The following CLSPN variants were observed in gnomAD, a reference collection of about 807,000 sequenced individuals.
The protein encoded by CLSPN is claspin homolog.
CLSPN carries 85 observed loss-of-function variants against 156.3 expected under a neutral mutation model. The observed-to-expected ratio is 0.54, with a 90% confidence interval of 0.46 to 0.65. CLSPN has a LOEUF of 0.65. Among genes scored for constraint, CLSPN ranks in the 30% least tolerant of loss-of-function variants. The pLI, the probability that CLSPN is intolerant of heterozygous loss-of-function variation, is 0.00. For missense variants in CLSPN, 1,407 were observed against 1,554.9 expected, an observed-to-expected ratio of 0.90 and a Z score of 1.60; for synonymous variants, 534 against 542.4, an observed-to-expected ratio of 0.98 and a Z score of 0.22.
downstream of CLSPN, among the ~76,000 whole-genome samples, chr1:35,731,321 AG>A (rs1217585515): frequency 6.6e-6 from 1 of 152,120 alleles, no homozygotes; most frequent in East Asian, 1.9e-4. Context: ...ACAAAGAAGG[AG>A]GATGGATGTA....
At chr1:35,749,343 G>A in intron 12 of CLSPN, 124 bp downstream of exon 12, 1 of 863,384 alleles carries the variant, frequency 1.2e-6, no homozygotes, top group Non-Finnish European at 1.8e-6. Context: ...CCTTTTCATA[G>A]CTACATATGA....
chr1:35,760,549 C>T lies in CLSPN; in HGVS notation c.1372G>A (p.Gly458Ser). ...TCTTCTGGATTTTGGGGGCCTTCAC[C>T]CTCCAGGGCATGAGGTTCAAATGCT... Reference protein sequence around the residue: ...LVAFEPHALEGEGPQNPEETD... With the variant: ...LVAFEPHALESEGPQNPEETD... Residue 458 changes from glycine (G) to serine (S), a missense_variant, in exon 8 of 25, where the codon GGT becomes AGT. Gly to Ser is a moderately conservative substitution (Grantham distance 56). Around this residue, in one of 3 missense-constraint regions of CLSPN, gnomAD observed 1,096 missense variants for 1,193.0 expected, o/e 0.92. Coordinates refer to ENST00000318121, the MANE Select transcript of CLSPN (RefSeq NM_022111.4). 6.2e-7 allele frequency: 1 copy of T among 1,614,164 alleles called. No individual in the cohort carries two copies. The highest frequency in any genetic ancestry group is 8.5e-7 in the Non-Finnish European group (1 of 1,180,034).
At chr1:35,749,352 G>T in intron 12 of CLSPN, 115 bp downstream of exon 12, 1 of 947,056 alleles carries the variant, frequency 1.1e-6, no homozygotes, top group Non-Finnish European at 1.6e-6. Flanking sequence ...AGCTACATAT[G>T]AAACTGGGAA....
At chr1:35,731,026 C>A (rs1363548086), downstream of CLSPN, among the ~76,000 whole-genome samples, 1 of 151,740 alleles carries the variant, frequency 6.6e-6, no homozygotes, top group African/African-American at 2.4e-5. Flanking sequence ...ATAGTGAAAC[C>A]CCGTCTCTAC....
intron 24 of CLSPN, among the ~76,000 whole-genome samples, chr1:35,726,348 CCTT>C (rs1406429307): frequency 1.3e-5 from 2 of 152,028 alleles, no homozygotes; most frequent in East Asian, 3.9e-4. Flanking sequence ...ACCCTTTCCT[CCTT>C]CTTGTAGTCA....
Position 35,737,088 on chromosome 1 carries a change from G to A in CLSPN, c.3748-13C>T. 1 of 1,609,824 alleles carries A rather than the reference G, an allele frequency of 6.2e-7. No individual in the cohort carries two copies. The highest frequency in any genetic ancestry group is 1.1e-5 in the South Asian group (1 of 90,216). ...AGCCTGTCTTCACCTGAGGAAAGAA[G>A]AGTCATCTGGTATCAAATCCCAAGT... On this transcript the variant is annotated splice_polypyrimidine_tract_variant and intron_variant, in intron 23 of 24. Coordinates refer to ENST00000318121, the MANE Select transcript of CLSPN (RefSeq NM_022111.4).
intron 13 of CLSPN, 49 bp from the exon 14 acceptor site, chr1:35,748,110 A>T: frequency 6.4e-7 from 1 of 1,573,424 alleles, no homozygotes; most frequent in African/African-American, 1.4e-5. Context: ...TACAAATGTC[A>T]GTCATTGTCA....
intron 12 of CLSPN, chr1:35,748,818 T>C (rs1557511620): frequency 2.2e-6 from 1 of 446,702 alleles, no homozygotes; most frequent in Admixed American, 3.4e-5. Context: ...CACTTGAAAG[T>C]TCTTTTTTTT....
At chr1:35,755,064 T>C (rs1642225076) in intron 8 of CLSPN, among the ~76,000 whole-genome samples, 1 of 152,182 alleles carries the variant, frequency 6.6e-6, no homozygotes, top group African/African-American at 2.4e-5. Context: ...TGATGCACAC[T>C]GGATATTTTC....
rs1176490750 is a variant in CLSPN at position 35,734,688 on chromosome 1, AAAGAAAAG to A, written c.*1800_*1807del. ...GCCAGCCTATGTCTCAAAAAAAAAA[AAAGAAAAG>A]AAAAGAAAAGAAAAAGAAAAAGAAA... On this transcript the variant is annotated 3_prime_UTR_variant, in exon 25 of 25. Coordinates refer to ENST00000318121, the MANE Select transcript of CLSPN (RefSeq NM_022111.4). 43 of 864,044 alleles carry A rather than the reference AAAGAAAAG, an allele frequency of 5.0e-5. No homozygotes were observed. The highest frequency in any genetic ancestry group is 1.3e-4 in the East Asian group (1 of 7,842). The allele number at this position is 864,044 out of a possible 1,614,324, so 53.5% of individuals were successfully genotyped here.
intron 24 of CLSPN, among the ~76,000 whole-genome samples, chr1:35,722,993 TAC>T (rs1641109534): frequency 6.6e-6 from 1 of 152,180 alleles, no homozygotes. Context: ...GTATAATTAA[TAC>T]AGTCAGTGCT....
At chr1:35,720,774 T>G in exon 25 of CLSPN, 3 of 661,108 alleles carry the variant, frequency 4.5e-6, no homozygotes, top group Non-Finnish European at 7.6e-6. Flanking sequence ...GGCTCTCAGC[T>G]TTGGTGATCT....
downstream of CLSPN, among the ~76,000 whole-genome samples, chr1:35,728,618 GGTTTCT>G (rs1478679367): frequency 1.3e-5 from 2 of 152,062 alleles, no homozygotes; most frequent in African/African-American, 4.8e-5. Flanking sequence ...AAGAAGCACA[GGTTTCT>G]GTTTCAGAAA....
At chr1:35,753,699 G>A (rs1424333151) in intron 9 of CLSPN, 46 bp downstream of exon 9, 7 of 1,553,652 alleles carry the variant, frequency 4.5e-6, no homozygotes, top group Non-Finnish European at 6.2e-6. Flanking sequence ...AGATCTGTTA[G>A]AATACAAAGC....
At chr1:35,721,780 C>T (rs1305273411) in intron 24 of CLSPN, among the ~76,000 whole-genome samples, 1 of 152,098 alleles carries the variant, frequency 6.6e-6, no homozygotes, top group East Asian at 1.9e-4. Flanking sequence ...GTGCCACAAC[C>T]ACCGCTACCT....
At chr1:35,750,000 AT>A (rs66909447) in intron 10 of CLSPN, among the ~76,000 whole-genome samples, 189 bp from the exon 11 acceptor site, 12 of 147,790 alleles carry the variant, frequency 8.1e-5, no homozygotes, top group African/African-American at 1.7e-4. Context: ...ACTTTTTTCT[AT>A]TTTTTTTTTT....
At chr1:35,743,086 C>T in intron 18 of CLSPN, 55 bp downstream of exon 18, 1 of 1,390,618 alleles carries the variant, frequency 7.2e-7, no homozygotes, top group Non-Finnish European at 1.0e-6. Context: ...CATGCCTGGC[C>T]TAGTGACCAA....
At chr1:35,760,078 C>T (rs1243789732) in intron 8 of CLSPN, among the ~76,000 whole-genome samples, 3 of 152,278 alleles carry the variant, frequency 2.0e-5, no homozygotes, top group African/African-American at 4.8e-5. Flanking sequence ...GTGATCTGCC[C>T]GCCTTGGCCT....
chr1:35,768,562 C>G, intron 1 of CLSPN, among the ~76,000 whole-genome samples: 1 of 151,004 alleles, frequency 6.6e-6, no homozygotes, highest in Non-Finnish European at 1.5e-5. Flanking sequence ...GCTGGGACCA[C>G]AGGCGACGCC....
Sources: allele counts gnomAD v4.1 joint callset (sites outside exome capture counted in the v4.1 genomes callset), GRCh38; gene constraint gnomAD v4.1.1; regional missense constraint gnomAD v4.1.1; transcripts MANE v1.5; gene names NCBI Gene and HGNC (gene_info 2026-07-23, HGNC 2026-07-21).